Variants in WDR27 observed in about 807,000 individuals in gnomAD.
The protein encoded by WDR27 is WD repeat domain 27.
Under a neutral mutation model 114.4 loss-of-function variants are expected in WDR27, and 100 were observed. The observed-to-expected ratio is 0.87, with a 90% CI of 0.74 to 1.03. The LOEUF is 1.03. Ranked by LOEUF, WDR27 falls within the 50% of genes least tolerant of loss-of-function variation. The probability of loss-of-function intolerance (pLI) is 0.00; values close to 1 mark genes in which losing one functional copy is unlikely to be tolerated. For synonymous variants in WDR27, 449 were observed against 423.1 expected (o/e 1.06, Z -0.75); for missense variants, 1,129 against 1,092.9 (o/e 1.03, Z -0.47).
chr6:169,457,528 T>A lies in WDR27; in HGVS notation c.*64A>T. 1 of 1,420,556 alleles carries A rather than the reference T, an allele frequency of 7.0e-7. No individual in the cohort carries two copies. 88.0% of individuals were successfully genotyped at this position (1,420,556 alleles called of 1,614,324 possible). A position where few individuals can be genotyped will look rare whatever the true frequency, so the allele number is the denominator to read the frequency against. ...GCCCCCTGATGGATGAACCACTACT[T>A]CTTACTTTTAAGTTGTTCCTCACAG... On this transcript the variant is annotated 3_prime_UTR_variant, in exon 26 of 26. Transcript: ENST00000448612.
chr6:169,573,004 GC>G (rs939387025), intron 24 of WDR27, among the ~76,000 whole-genome samples: 2 of 130,586 alleles, frequency 1.5e-5, no homozygotes, highest in African/African-American at 2.5e-5. Flanking sequence ...CCGCATACCA[GC>G]CCCCAAAACA....
intron 23 of WDR27, among the ~76,000 whole-genome samples, chr6:169,599,038 G>T (rs1807397070): frequency 6.6e-6 from 1 of 152,036 alleles, no homozygotes; most frequent in Non-Finnish European, 1.5e-5. Flanking sequence ...TGCACAACGT[G>T]CAGGTTTGTT....
intron 23 of WDR27, among the ~76,000 whole-genome samples, chr6:169,587,277 G>T (rs1415250520): frequency 7.1e-6 from 1 of 141,316 alleles, no homozygotes; most frequent in Non-Finnish European, 1.5e-5. Context: ...GGAGTGCAGT[G>T]GTGCAATCTC....
At chr6:169,582,786 G>GT in intron 24 of WDR27, 50 bp downstream of exon 24, 1 of 1,416,514 alleles carries the variant, frequency 7.1e-7, no homozygotes, top group Non-Finnish European at 9.8e-7. Context: ...AAAATATAAT[G>GT]TAAGACTTGT....
At chr6:169,665,161 G>C (rs1032932351) in intron 7 of WDR27, 2 of 1,065,418 alleles carry the variant, frequency 1.9e-6, no homozygotes, top group Non-Finnish European at 2.3e-6. Flanking sequence ...CAGCACCCGT[G>C]GGAGCGGGGG....
At chr6:169,485,582 T>C (rs555393089) in intron 25 of WDR27, among the ~76,000 whole-genome samples, 3 of 152,290 alleles carry the variant, frequency 2.0e-5, no homozygotes, top group East Asian at 3.9e-4. Context: ...AGTTCAACCA[T>C]TGTGGAAATC....
chr6:169,670,892 C>T, intron 3 of WDR27, 199 bp from the exon 4 acceptor site: 1 of 632,008 alleles, frequency 1.6e-6, no homozygotes, highest in Non-Finnish European at 2.6e-6. Context: ...GGGAATGCAG[C>T]ACTTCCCTGC....
At chr6:169,640,446 C>T (rs1001800443) in intron 17 of WDR27, among the ~76,000 whole-genome samples, 6 of 152,092 alleles carry the variant, frequency 3.9e-5, no homozygotes, top group African/African-American at 9.7e-5. Flanking sequence ...GCTGCCCTCA[C>T]GTGTAGAGTT....
In WDR27 at chr6:169,613,593, C is replaced by T; in HGVS notation, c.2287G>A (p.Asp763Asn). The T allele has an allele frequency of 1.2e-6, 2 of 1,613,826 alleles. No homozygotes were observed. The highest frequency in any genetic ancestry group is 8.5e-7 in the Non-Finnish European group (1 of 1,179,824). Reference protein sequence around the residue: ...YNLFLTTAIGDGMRLWDLRTL... With the variant: ...YNLFLTTAIGNGMRLWDLRTL... ...CTCAGGTCCCACAGTCTCATCCCATCGCCAATGGCCGTGGTCAGGAAAAGG... is the reference window on the plus strand; with the variant it reads ...CTCAGGTCCCACAGTCTCATCCCATTGCCAATGGCCGTGGTCAGGAAAAGG... Residue 763 changes from aspartate (D) to asparagine (N), a missense_variant, in exon 22 of 26, where the codon GAT becomes AAT. Transcript: ENST00000448612.
chr6:169,632,874 T>C (rs766636001), intron 21 of WDR27, 73 bp downstream of exon 21: 187 of 1,366,818 alleles, frequency 1.4e-4, no homozygotes, highest in Non-Finnish European at 1.8e-4. Flanking sequence ...AATGGCATCA[T>C]ACATTTGTAT....
chr6:169,682,910 A>G lies in WDR27; in HGVS notation c.189+5907T>C, dbSNP rs577483663. Among the ~76,000 whole-genome samples, 111 of 152,334 alleles carry G rather than the reference A, an allele frequency of 7.3e-4. 4 individuals carry two copies. The South Asian group carries it at 0.023, about 31-fold the overall frequency. On this transcript the variant is annotated intron_variant, in intron 2 of 25. Transcript: ENST00000448612. ...AAAATCAAAAATTTTGGAGCTAAAT[A>G]CAAATAATTAAATGAAAAATGCAAT...
chr6:169,600,697 T>C (rs1272131271), intron 23 of WDR27, among the ~76,000 whole-genome samples: 1 of 152,102 alleles, frequency 6.6e-6, no homozygotes, highest in Non-Finnish European at 1.5e-5. Context: ...TTCGATCAAC[T>C]GGAAGAAAGG....
At chr6:169,495,101 A>G (rs1296613107) in intron 25 of WDR27, among the ~76,000 whole-genome samples, 1 of 152,236 alleles carries the variant, frequency 6.6e-6, no homozygotes, top group Non-Finnish European at 1.5e-5. Flanking sequence ...TACATAAATT[A>G]AAAGAGAAAT....
At chr6:169,605,031 C>G (rs959171638) in intron 22 of WDR27, among the ~76,000 whole-genome samples, 1 of 142,292 alleles carries the variant, frequency 7.0e-6, no homozygotes, top group African/African-American at 2.7e-5. Flanking sequence ...CCTCTAAGAA[C>G]TGGAACAAGA....
At chr6:169,695,865 G>A (rs1419704979) in intron 1 of WDR27, among the ~76,000 whole-genome samples, 1 of 152,196 alleles carries the variant, frequency 6.6e-6, no homozygotes, top group East Asian at 1.9e-4. Context: ...GATGCACTGT[G>A]AGAAGGACTC....
chr6:169,442,799 G>A, the WDR27 span, among the ~76,000 whole-genome samples: 1 of 152,298 alleles, frequency 6.6e-6, no homozygotes, highest in East Asian at 1.9e-4. Context: ...CTGTCCTGAC[G>A]GATGCAGGAC....
At chr6:169,693,099 C>CAAAAAGAATTTTTGGCTTATTTATTT (rs1784925016) in intron 1 of WDR27, among the ~76,000 whole-genome samples, 1 of 152,166 alleles carries the variant, frequency 6.6e-6, no homozygotes, top group Non-Finnish European at 1.5e-5. Context: ...ACAAAAGCAT[C>CAAAAAGAATTTTTGGCTTATTTATTT]AGGTAATCTA....
At chr6:169,558,413 T>C (rs182804890) in intron 25 of WDR27, 55 of 152,286 alleles carry the variant, frequency 3.6e-4, no homozygotes, top group African/African-American at 1.3e-3. Context: ...CCAGGTGCAC[T>C]GCTGGATTGC....
In WDR27 at chr6:169,649,248, G is replaced by A. The variant is rs774214095; in HGVS notation, c.1509C>T (p.Asn503=). ...AAGATCCTTTCCCCTCACTCTTGAT[G>A]TTGGTCTTTGGTGAAAACATAGTTA... ...PHVTMFSPKT[N]IKSEGKGSSR... Residue 503 remains asparagine, a synonymous_variant, in exon 15 of 26, where the codon AAC becomes AAT. Coordinates refer to ENST00000448612, the MANE Select transcript of WDR27 (RefSeq NM_182552.5). 18 of 1,576,930 alleles carry A rather than the reference G, an allele frequency of 1.1e-5. No homozygotes were observed. In the South Asian group the frequency reaches 2.0e-4, roughly 17 times the overall value.
Sources: gnomAD v4.1 joint callset for allele counts (sites outside exome capture counted in the v4.1 genomes callset) on GRCh38, gnomAD v4.1.1 for gene constraint, MANE v1.5 for transcripts, NCBI Gene and HGNC (gene_info 2026-07-23, HGNC 2026-07-21) for gene names.